The following DOCK3 variants were observed in gnomAD, a reference collection of about 807,000 sequenced individuals.
The protein encoded by DOCK3 is dedicator of cytokinesis protein 3.
In DOCK3, 60 loss-of-function variants were observed where a neutral mutation model predicts 265.6. That is an observed-to-expected ratio of 0.23 (90% CI 0.18 to 0.28). The LOEUF is 0.28. Among genes scored for constraint, DOCK3 ranks in the 10% least tolerant of loss-of-function variants. The pLI, the probability that DOCK3 is intolerant of heterozygous loss-of-function variation, is 1.00. For synonymous variants in DOCK3, 881 were observed against 938.0 expected, an observed-to-expected ratio of 0.94 and a Z score of 1.11; for missense variants, 1,981 against 2,594.3, an observed-to-expected ratio of 0.76 and a Z score of 5.14.
intron 1 of DOCK3, among the ~76,000 whole-genome samples, chr3:50,678,196 T>C (rs189575809): frequency 4.5e-4 from 69 of 152,314 alleles, no homozygotes; most frequent in Non-Finnish European, 7.8e-4. Context: ...TACTGTTCTT[T>C]ACTGTACCCG....
At chr3:50,817,462 A>T (rs59311277) in intron 2 of DOCK3, among the ~76,000 whole-genome samples, 113,581 of 149,740 alleles carry the variant, frequency 0.76, 43,735 homozygotes, top group Middle Eastern at 0.87. Context: ...AACTAATTAA[A>T]TTTTTTTTTT....
At chr3:51,015,325 A>T (rs977358623) in intron 5 of DOCK3, among the ~76,000 whole-genome samples, 2 of 151,934 alleles carry the variant, frequency 1.3e-5, no homozygotes, top group Non-Finnish European at 2.9e-5. Flanking sequence ...CAGTTTTTTT[A>T]AAGATTTTTA....
chr3:51,159,450 C>G, intron 11 of DOCK3, 146 bp downstream of exon 11: 1 of 639,894 alleles, frequency 1.6e-6, no homozygotes, highest in Non-Finnish European at 2.7e-6. Context: ...GAAGCTATAC[C>G]TAAGCTCAAC....
chr3:51,178,411 T>C (rs1254247789), intron 12 of DOCK3, among the ~76,000 whole-genome samples: 1 of 152,204 alleles, frequency 6.6e-6, no homozygotes, highest in Admixed American at 6.5e-5. Context: ...GATTTCCTGA[T>C]CTCTGCAAAG....
At chr3:50,823,447 G>C (rs1249730280) in intron 2 of DOCK3, among the ~76,000 whole-genome samples, 1 of 152,162 alleles carries the variant, frequency 6.6e-6, no homozygotes, top group African/African-American at 2.4e-5. Flanking sequence ...ACCCTGAGTG[G>C]ACACAGCACA....
intron 7 of DOCK3, among the ~76,000 whole-genome samples, chr3:51,085,140 A>C (rs1323893816): frequency 2.0e-5 from 3 of 152,236 alleles, no homozygotes; most frequent in African/African-American, 2.4e-5. Context: ...AGTTGTAAAT[A>C]TATGTGCATC....
intron 9 of DOCK3, among the ~76,000 whole-genome samples, chr3:51,115,495 G>T (rs555270083): frequency 2.0e-4 from 30 of 152,106 alleles, no homozygotes; most frequent in African/African-American, 7.0e-4. Flanking sequence ...GGGGTTGTTT[G>T]TTTTTTTCTT....
At chr3:51,255,164 T>C (rs185687345) in intron 22 of DOCK3, among the ~76,000 whole-genome samples, 1 of 152,344 alleles carries the variant, frequency 6.6e-6, no homozygotes, top group East Asian at 1.9e-4. Context: ...GGTTTGAAAA[T>C]TCTTTTCTTT....
chr3:50,859,772 C>T (rs1017143248), intron 3 of DOCK3, among the ~76,000 whole-genome samples: 10 of 152,222 alleles, frequency 6.6e-5, no homozygotes, highest in Middle Eastern at 6.8e-3. Flanking sequence ...ATCCAGAAGG[C>T]GACACTTAGG....
intron 2 of DOCK3, among the ~76,000 whole-genome samples, chr3:50,826,977 A>G (rs577665710): frequency 6.6e-6 from 1 of 152,366 alleles, no homozygotes; most frequent in South Asian, 2.1e-4. Flanking sequence ...AAAATTTTCC[A>G]GAATGTAAGG....
chr3:50,863,382 C>G (rs369707515), intron 3 of DOCK3: 3 of 517,896 alleles, frequency 5.8e-6, no homozygotes, highest in African/African-American at 5.8e-5. Flanking sequence ...TGACAAGTTC[C>G]CAAATAATCA....
chr3:51,203,679 A>G (rs928575247), intron 12 of DOCK3, among the ~76,000 whole-genome samples: 12 of 152,108 alleles, frequency 7.9e-5, no homozygotes, highest in Non-Finnish European at 1.8e-4. Flanking sequence ...AAGTTCATAT[A>G]GAACCAAAAA....
chr3:51,270,734 C>G, intron 23 of DOCK3, 81 bp from the exon 24 acceptor site: 2 of 1,422,062 alleles, frequency 1.4e-6, no homozygotes, highest in Admixed American at 2.3e-5. Flanking sequence ...AGCCTCTCAC[C>G]ACCTTGTATC....
intron 1 of DOCK3, among the ~76,000 whole-genome samples, chr3:50,752,057 A>G (rs1576332539): frequency 6.6e-6 from 1 of 152,122 alleles, no homozygotes; most frequent in East Asian, 1.9e-4. Flanking sequence ...CAGCCAAACT[A>G]TATCACCCCA....
chr3:50,756,689 C>A (rs1215964967), intron 1 of DOCK3, among the ~76,000 whole-genome samples: 3 of 152,068 alleles, frequency 2.0e-5, no homozygotes, highest in South Asian at 4.1e-4. Flanking sequence ...AATAATGCAT[C>A]CTCTCTTACA....
chr3:50,720,372 A>G (rs2037401730), intron 1 of DOCK3, among the ~76,000 whole-genome samples: 1 of 152,124 alleles, frequency 6.6e-6, no homozygotes, highest in African/African-American at 2.4e-5. Flanking sequence ...TCCCACTCAT[A>G]AGTGAGAACA....
Position 51,208,919 on chromosome 3 carries a change from C to T in DOCK3, c.1126+57C>T, listed in dbSNP as rs1361635977. The T allele has an allele frequency of 5.3e-6, 8 of 1,498,712 alleles. 1 individual carries two copies. The Middle Eastern group carries it at 5.1e-4, about 95-fold the overall frequency. The allele number at this position is 1,498,712 out of a possible 1,614,324, so 92.8% of individuals were successfully genotyped here. On this transcript the variant is annotated intron_variant, in intron 13 of 52. Transcript: ENST00000266037. ...GTTACATTTGTAGTTGCTACTCATACAGCACTTAGATTGGTTGGTGCAGAT... is the reference window on the plus strand; with the variant it reads ...GTTACATTTGTAGTTGCTACTCATATAGCACTTAGATTGGTTGGTGCAGAT...
At chr3:51,370,795 A>G (rs2087618839) in intron 49 of DOCK3, among the ~76,000 whole-genome samples, 1 of 152,228 alleles carries the variant, frequency 6.6e-6, no homozygotes, top group Non-Finnish European at 1.5e-5. Flanking sequence ...TACAGGGCTC[A>G]CTGAGCAATT....
At chr3:51,013,557 G>A (rs1371897694) in intron 5 of DOCK3, among the ~76,000 whole-genome samples, 1 of 152,172 alleles carries the variant, frequency 6.6e-6, no homozygotes, top group Non-Finnish European at 1.5e-5. Context: ...TCTCAGAGGG[G>A]CATCCGGCTG....
Sources: gnomAD v4.1 joint callset for allele counts (sites outside exome capture counted in the v4.1 genomes callset) on GRCh38, gnomAD v4.1.1 for gene constraint, MANE v1.5 for transcripts, NCBI Gene and HGNC (gene_info 2026-07-23, HGNC 2026-07-21) for gene names.